Variants in RAD9B observed in about 807,000 individuals in gnomAD.
RAD9B encodes the protein cell cycle checkpoint control protein RAD9B.
In RAD9B, 41 loss-of-function variants were observed where a neutral mutation model predicts 48.3. The ratio of observed to expected loss-of-function variants is 0.85; its 90% CI spans 0.66 to 1.10. RAD9B has a LOEUF of 1.10. Among genes scored for constraint, RAD9B ranks in the 50% least tolerant of loss-of-function variants. The pLI, the probability that RAD9B is intolerant of heterozygous loss-of-function variation, is 0.00. For missense variants in RAD9B, 444 were observed against 485.1 expected, an observed-to-expected ratio of 0.92 and a Z score of 0.80; for synonymous variants, 160 against 157.9, an observed-to-expected ratio of 1.01 and a Z score of -0.10.
intron 2 of RAD9B, among the ~76,000 whole-genome samples, chr12:110,505,196 G>T (rs73191826): frequency 0.14 from 20,625 of 151,546 alleles, 2,020 homozygotes; most frequent in African/African-American, 0.28. Context: ...TATATATATA[G>T]GTGTATAATA....
At chr12:110,525,701 G>C (rs1022970767) in intron 10 of RAD9B, among the ~76,000 whole-genome samples, 28 of 151,984 alleles carry the variant, frequency 1.8e-4, no homozygotes, top group Non-Finnish European at 3.5e-4. Flanking sequence ...TTTGTGGAGA[G>C]ATACTTTGAT....
At position 110,519,020 on chromosome 12, in the gene RAD9B, T is replaced by A. The variant is rs1249813261; in HGVS notation, c.767+82T>A. 12 of 920,896 alleles carry A rather than the reference T, an allele frequency of 1.3e-5. No individual in the cohort carries two copies. In the South Asian group the frequency reaches 1.4e-4, roughly 11 times the overall value. The allele number at this position is 920,896 out of a possible 1,614,324, so 57.0% of individuals were successfully genotyped here. ...ACCTTTTGGATCACTTTGAAATTAA[T>A]TAACACCTCAGGAATACCTAAACTT... On this transcript the variant is annotated intron_variant, in intron 8 of 10. Coordinates refer to ENST00000409300, the MANE Select transcript of RAD9B (RefSeq NM_001286535.2).
chr12:110,529,435 G>A (rs139632841), intron 10 of RAD9B, among the ~76,000 whole-genome samples: 208 of 152,310 alleles, frequency 1.4e-3, no homozygotes, highest in East Asian at 5.0e-3. Flanking sequence ...GTGGGCCACC[G>A]TGCCTGGCTA....
chr12:110,518,788 T>TA lies in RAD9B; in HGVS notation c.702+9dup. Reference sequence around the variant, plus strand: ...TTTGTTTCAAAGAATTGAAGGTAAATAAAGATTTGTATCAATTTAAAATTC... The same window carrying TA: ...TTTGTTTCAAAGAATTGAAGGTAAATAAAAGATTTGTATCAATTTAAAATTC... On this transcript the variant is annotated splice_region_variant and intron_variant, in intron 7 of 10. Transcript: ENST00000409300. 6.3e-7 allele frequency: 1 copy of TA among 1,582,208 alleles called. No homozygotes were observed. The highest frequency in any genetic ancestry group is 8.6e-7 in the Non-Finnish European group (1 of 1,158,984).
At chr12:110,510,974 G>T (rs1247215537) in intron 4 of RAD9B, among the ~76,000 whole-genome samples, 2 of 151,416 alleles carry the variant, frequency 1.3e-5, no homozygotes, top group African/African-American at 4.9e-5. Flanking sequence ...AAGAGAGAAA[G>T]GAAGAAGGAG....
In RAD9B at chr12:110,506,705, TA is replaced by T; in HGVS notation, c.388+16del. ...CTTCTACAGACATGGTAGGTATAAT[TA>T]AAAGTGGTTTAAAATACTATGTTTT... On this transcript the variant is annotated intron_variant, in intron 4 of 10. Transcript: ENST00000409300. 7.9e-7 allele frequency: 1 copy of T among 1,272,872 alleles called. No homozygotes were observed. Among genetic ancestry groups the T allele is most frequent in the Non-Finnish European group, 1.1e-6 (1 of 879,296 alleles). 78.8% of individuals were successfully genotyped at this position (1,272,872 alleles called of 1,614,324 possible).
At chr12:110,507,712 A>G (rs562887103) in intron 4 of RAD9B, among the ~76,000 whole-genome samples, 4 of 150,526 alleles carry the variant, frequency 2.7e-5, no homozygotes, top group South Asian at 2.1e-4. Flanking sequence ...GTGCAATGGC[A>G]TGATCTTGGC....
chr12:110,520,628 C>CTTTTTTTTTT (rs71083129), intron 9 of RAD9B, among the ~76,000 whole-genome samples: 197 of 99,886 alleles, frequency 2.0e-3, no homozygotes, highest in South Asian at 3.2e-3. Flanking sequence ...TTCTTGCTTT[C>CTTTTTTTTTT]TTTTTTTTTT....
chr12:110,520,628 C>CTTTT (rs71083129), intron 9 of RAD9B, among the ~76,000 whole-genome samples: 1,888 of 99,366 alleles, frequency 0.019, no homozygotes, highest in East Asian at 0.027. Context: ...TTCTTGCTTT[C>CTTTT]TTTTTTTTTT....
intron 10 of RAD9B, among the ~76,000 whole-genome samples, chr12:110,528,789 A>T (rs2064027360): frequency 6.6e-6 from 1 of 152,028 alleles, no homozygotes; most frequent in Non-Finnish European, 1.5e-5. Flanking sequence ...GTGCAGGGGC[A>T]CAATCTTGGC....
Position 110,531,531 on chromosome 12 carries a change from C to A in RAD9B, c.*878C>A. On this transcript the variant is annotated 3_prime_UTR_variant, in exon 11 of 11. Coordinates refer to ENST00000409300, the MANE Select transcript of RAD9B (RefSeq NM_001286535.2). ...ATATTGTAAAATTTTATTTCCTAACCTCAAATTGTTCTGATTTTCAGATGT... is the reference window on the plus strand; with the variant it reads ...ATATTGTAAAATTTTATTTCCTAACATCAAATTGTTCTGATTTTCAGATGT... 1 of 1,386,330 alleles carries A rather than the reference C, an allele frequency of 7.2e-7. No individual in the cohort carries two copies. The highest frequency in any genetic ancestry group is 2.3e-5 in the East Asian group (1 of 43,536). The allele number at this position is 1,386,330 out of a possible 1,614,324, so 85.9% of individuals were successfully genotyped here.
intron 4 of RAD9B, chr12:110,511,389 T>TAC (rs2063454447): frequency 9.8e-6 from 4 of 408,896 alleles, no homozygotes; most frequent in African/African-American, 2.0e-5. Flanking sequence ...AATGGAATAC[T>TAC]ATTTGGCCAT....
chr12:110,520,241 C>T (rs1028274435), intron 9 of RAD9B, among the ~76,000 whole-genome samples: 1 of 152,138 alleles, frequency 6.6e-6, no homozygotes, highest in Non-Finnish European at 1.5e-5. Context: ...AGGTCTCACT[C>T]CCATTGCCCA....
Position 110,502,352 on chromosome 12 carries a change from G to C in RAD9B, c.15G>C (p.Leu5=), listed in dbSNP as rs778251547. Residue 5 remains leucine, a synonymous_variant, in exon 1 of 11, where the codon CTG becomes CTC. Coordinates refer to ENST00000409300, the MANE Select transcript of RAD9B (RefSeq NM_001286535.2). ...TTTTAGGGCGGATGGCAGCCATGCT[G>C]AAGTGCGTGATGAGCGGCAGTCAGG... is the stretch of plus-strand genomic sequence containing the variant. The part of the protein sequence containing the change: MAAM[L]KCVMSGSQVK... 2.5e-6 allele frequency: 4 copies of C among 1,613,620 alleles called. No homozygotes were observed. The African/African-American group carries it at 5.3e-5, about 22-fold the overall frequency.
chr12:110,512,409 A>G (rs1211891725), intron 4 of RAD9B, among the ~76,000 whole-genome samples: 2 of 152,064 alleles, frequency 1.3e-5, no homozygotes, highest in Non-Finnish European at 2.9e-5. Flanking sequence ...TTGGCCTCCC[A>G]AAGTGCTGGG....
intron 6 of RAD9B, among the ~76,000 whole-genome samples, chr12:110,516,715 CAG>C (rs947195403): frequency 4.0e-5 from 6 of 151,796 alleles, no homozygotes; most frequent in Non-Finnish European, 7.4e-5. Flanking sequence ...GAGGCTGAGA[CAG>C]GGGATTAATC....
chr12:110,517,553 G>A (rs2063639594), intron 6 of RAD9B, among the ~76,000 whole-genome samples: 1 of 151,842 alleles, frequency 6.6e-6, no homozygotes. Flanking sequence ...GAATCTGGCA[G>A]GTGGACCTTG....
intron 4 of RAD9B, among the ~76,000 whole-genome samples, chr12:110,509,850 C>G (rs1174279427): frequency 1.3e-5 from 2 of 151,916 alleles, no homozygotes; most frequent in Admixed American, 1.3e-4. Context: ...TGTGTAGGTT[C>G]TAGGGTGGCA....
At chr12:110,528,702 T>G (rs536646414) in intron 10 of RAD9B, among the ~76,000 whole-genome samples, 42 of 152,356 alleles carry the variant, frequency 2.8e-4, no homozygotes, top group Non-Finnish European at 5.7e-4. Flanking sequence ...TTCTGTGATA[T>G]GGGGGTCAGT....
Sources: allele counts gnomAD v4.1 joint callset (sites outside exome capture counted in the v4.1 genomes callset), GRCh38; gene constraint gnomAD v4.1.1; transcripts MANE v1.5; gene names NCBI Gene and HGNC (gene_info 2026-07-23, HGNC 2026-07-21).